The following PTPN3 variants were observed in gnomAD, a reference collection of about 807,000 sequenced individuals.
The protein encoded by PTPN3 is tyrosine-protein phosphatase non-receptor type 3.
Under a neutral mutation model 132.7 loss-of-function variants are expected in PTPN3, and 96 were observed. That is an observed-to-expected ratio of 0.72 (90% CI 0.61 to 0.86). The LOEUF (loss-of-function observed/expected upper bound fraction) is 0.86. Among genes scored for constraint, PTPN3 ranks in the 40% least tolerant of loss-of-function variants. PTPN3 has a pLI of 0.00. For synonymous variants in PTPN3, 398 were observed against 429.0 expected, an observed-to-expected ratio of 0.93 and a Z score of 0.89; for missense variants, 1,125 against 1,159.6, an observed-to-expected ratio of 0.97 and a Z score of 0.43.
intron 9 of PTPN3, among the ~76,000 whole-genome samples, chr9:109,436,257 C>T (rs1844042457): frequency 6.6e-6 from 1 of 152,220 alleles, no homozygotes; most frequent in Non-Finnish European, 1.5e-5. Context: ...GAAGCTACAA[C>T]TTGTGTGCTG....
rs373092968 is a variant in PTPN3 at position 109,406,625 on chromosome 9, G to C, written c.1636-7C>G. On this transcript the variant is annotated splice_region_variant and splice_polypyrimidine_tract_variant and intron_variant, in intron 17 of 25. Transcript: ENST00000374541. ...TAGGAATGCAGGTGTCCGCCTGGGT[G>C]GTGGGGAAAAGCGAGTTTCTCCTGT... 2 of 1,613,622 alleles carry C rather than the reference G, an allele frequency of 1.2e-6. No homozygotes were observed. The highest frequency in any genetic ancestry group is 1.1e-5 in the South Asian group (1 of 91,036).
chr9:109,388,487 T>A (rs1365980635), intron 22 of PTPN3, among the ~76,000 whole-genome samples: 1 of 152,066 alleles, frequency 6.6e-6, no homozygotes, highest in South Asian at 2.1e-4. Context: ...CAGGTCACAA[T>A]GGAGACCTCA....
At chr9:109,495,226 C>T (rs1199568927) in intron 1 of PTPN3, among the ~76,000 whole-genome samples, 2 of 152,252 alleles carry the variant, frequency 1.3e-5, no homozygotes, top group African/African-American at 2.4e-5. Context: ...GTGCCTTCAG[C>T]ATTCCAGCTT....
the PTPN3 span, chr9:109,533,484 G>A: frequency 2.5e-6 from 4 of 1,589,548 alleles, no homozygotes; most frequent in South Asian, 3.3e-5. Context: ...GGTAAGTTGC[G>A]GCGGTACCGA....
At chr9:109,411,417 A>G (rs1020891337) in intron 14 of PTPN3, among the ~76,000 whole-genome samples, 3 of 152,220 alleles carry the variant, frequency 2.0e-5, no homozygotes, top group South Asian at 4.1e-4. Flanking sequence ...AACCCCTCAG[A>G]GTCACAGGGA....
chr9:109,427,737 G>A (rs1482828576), intron 11 of PTPN3, among the ~76,000 whole-genome samples: 1 of 152,178 alleles, frequency 6.6e-6, no homozygotes, highest in East Asian at 1.9e-4. Flanking sequence ...TAGCTGCTCT[G>A]AGCTTTTGTG....
chr9:109,424,253 T>C (rs556528974), intron 12 of PTPN3, among the ~76,000 whole-genome samples: 3 of 152,314 alleles, frequency 2.0e-5, no homozygotes, highest in African/African-American at 7.2e-5. Context: ...TGTATCTGTA[T>C]CTCTAGGGGC....
intron 12 of PTPN3, among the ~76,000 whole-genome samples, chr9:109,424,448 C>T (rs190695738): frequency 1.2e-3 from 185 of 152,372 alleles, no homozygotes; most frequent in Non-Finnish European, 2.2e-3. Context: ...ACTGCAAGTT[C>T]TTTGAGTCTT....
chr9:109,397,312 A>G (rs1229695956), intron 19 of PTPN3, among the ~76,000 whole-genome samples: 2 of 152,258 alleles, frequency 1.3e-5, no homozygotes, highest in Admixed American at 1.3e-4. Context: ...GTAGGTGCTC[A>G]ATAAAAATTT....
chr9:109,417,534 T>G (rs971187555), intron 14 of PTPN3: 24 of 936,252 alleles, frequency 2.6e-5, no homozygotes, highest in Non-Finnish European at 2.8e-5. Context: ...ACCAACAGGT[T>G]TTTTTTTTTT....
chr9:109,427,258 A>C lies in PTPN3; in HGVS notation c.829-136T>G. On this transcript the variant is annotated intron_variant, in intron 11 of 25. Coordinates refer to ENST00000374541, the MANE Select transcript of PTPN3 (RefSeq NM_002829.4). ...CTGGTTTCAAAATGCCGTGGCCACA[A>C]ACCAGTGTACCGGAATATTCAAGAG... The C allele has an allele frequency of 9.0e-6, 8 of 889,278 alleles. No homozygotes were observed. In the South Asian group the frequency reaches 1.4e-4, roughly 15 times the overall value. 55.1% of individuals were successfully genotyped at this position (889,278 alleles called of 1,614,324 possible).
In PTPN3 at chr9:109,382,834, C is replaced by T. The variant is rs112993769; in HGVS notation, c.2383-387G>A. On this transcript the variant is annotated intron_variant, in intron 23 of 25. Coordinates refer to ENST00000374541, the MANE Select transcript of PTPN3 (RefSeq NM_002829.4). The stretch of plus-strand genomic sequence containing the variant: ...AACCACATTTAAATGTACAGTTCAG[C>T]GGCATTGAGAATACTCGCAATGTTG... Among the ~76,000 whole-genome samples, 32 of 151,380 alleles carry T rather than the reference C, an allele frequency of 2.1e-4. 1 individual carries two copies. Among genetic ancestry groups the T allele is most frequent in the Admixed American group, 2.0e-4 (3 of 15,206 alleles).
the PTPN3 span, among the ~76,000 whole-genome samples, chr9:109,528,128 G>T: frequency 6.6e-6 from 1 of 152,210 alleles, no homozygotes; most frequent in Admixed American, 6.5e-5. Context: ...AACAAACTGG[G>T]ATCCTCATAC....
chr9:109,440,745 G>C (rs1278052170), intron 7 of PTPN3, among the ~76,000 whole-genome samples: 1 of 152,124 alleles, frequency 6.6e-6, no homozygotes, highest in Non-Finnish European at 1.5e-5. Context: ...TCCCATCCCT[G>C]GTATCATTCT....
chr9:109,410,003 A>G lies in PTPN3; in HGVS notation c.1574T>C (p.Leu525Pro), dbSNP rs1186266889. Residue 525 changes from leucine (L) to proline (P), a missense_variant, in exon 16 of 26, where the codon CTT becomes CCT. Leu to Pro is a moderately conservative substitution (Grantham distance 98). Coordinates refer to ENST00000374541, the MANE Select transcript of PTPN3 (RefSeq NM_002829.4). ...CTTTATAAATACACAACATACCTTA[A>G]GATTAAATCCAAATTTTCCATCTTC... is the stretch of plus-strand genomic sequence containing the variant. ...PDEDGKFGFNLKGGVDQKMPL... is the reference protein window; with the variant it reads ...PDEDGKFGFNPKGGVDQKMPL... 6.2e-7 allele frequency: 1 copy of G among 1,614,190 alleles called. No homozygotes were observed. The highest frequency in any genetic ancestry group is 8.5e-7 in the Non-Finnish European group (1 of 1,180,022).
rs190921802 is a variant in PTPN3 at position 109,437,817 on chromosome 9, G to A, written c.587+297C>T. On this transcript the variant is annotated intron_variant, in intron 8 of 25. Transcript: ENST00000374541. ...AGGTTTACCTTGGTACAGTCCATTGGTGGGGCAATCAGATTTCAAAATGGG... is the reference window on the plus strand; with the variant it reads ...AGGTTTACCTTGGTACAGTCCATTGATGGGGCAATCAGATTTCAAAATGGG... 4.1e-3 allele frequency among the ~76,000 whole-genome samples: 629 copies of A among 152,282 alleles called. 4 individuals are homozygous for A. Among genetic ancestry groups the A allele is most frequent in the Middle Eastern group, 0.024 (7 of 294 alleles).
upstream of PTPN3, among the ~76,000 whole-genome samples, chr9:109,500,403 A>G (rs1847848464): frequency 6.6e-6 from 1 of 152,180 alleles, no homozygotes; most frequent in Non-Finnish European, 1.5e-5. Flanking sequence ...GCTTACACCT[A>G]AAGGAAAGAC....
the PTPN3 span, among the ~76,000 whole-genome samples, chr9:109,503,436 G>A: frequency 6.6e-6 from 1 of 152,240 alleles, no homozygotes; most frequent in African/African-American, 2.4e-5. Flanking sequence ...TGGGCAAGGT[G>A]GCTCATGCTT....
intron 19 of PTPN3, 80 bp from the exon 20 acceptor site, chr9:109,391,641 G>T: frequency 8.6e-7 from 1 of 1,161,746 alleles, no homozygotes; most frequent in South Asian, 1.4e-5. Flanking sequence ...ATCATTCACA[G>T]TACCAAAATC....
Sources: gnomAD v4.1 joint callset for allele counts (sites outside exome capture counted in the v4.1 genomes callset) on GRCh38, gnomAD v4.1.1 for gene constraint, MANE v1.5 for transcripts, NCBI Gene and HGNC (gene_info 2026-07-23, HGNC 2026-07-21) for gene names.